KCNMA1: variants seen among roughly 807,000 people sequenced by gnomAD.
KCNMA1 encodes the protein Calcium-activated potassium channel subunit alpha-1.
A neutral mutation model predicts 140.0 loss-of-function variants in KCNMA1; 29 were observed. The ratio of observed to expected loss-of-function variants is 0.21; its 90% CI spans 0.15 to 0.28. The LOEUF is 0.28. Among genes scored for constraint, KCNMA1 ranks in the 10% least tolerant of loss-of-function variants. The pLI is 1.00. For synonymous variants in KCNMA1, 612 were observed against 611.9 expected (o/e 1.00, Z 0.00); for missense variants, 880 against 1,602.2 (o/e 0.55, Z 7.70).
intron 17 of KCNMA1, among the ~76,000 whole-genome samples, chr10:77,014,543 A>C (rs902743470): frequency 6.6e-6 from 1 of 152,160 alleles, no homozygotes; most frequent in Non-Finnish European, 1.5e-5. Flanking sequence ...CCACCTGTCT[A>C]ACTGAAATTT....
intron 1 of KCNMA1, among the ~76,000 whole-genome samples, chr10:77,595,657 G>A (rs1287249385): frequency 1.3e-5 from 2 of 151,786 alleles, no homozygotes; most frequent in African/African-American, 2.4e-5. Flanking sequence ...AGCCAGACAG[G>A]CTAGTTTTTG....
At chr10:77,000,857 AATATATATATATATATATATATAT>A (rs56359933) in intron 19 of KCNMA1, among the ~76,000 whole-genome samples, 897 of 36,666 alleles carry the variant, frequency 0.024, 114 homozygotes, top group African/African-American at 0.078. Flanking sequence ...GTAAAAAGAA[AATATATATATATATATATATATAT>A]ATATATATAT....
At position 77,025,339 on chromosome 10, in the gene KCNMA1, T is replaced by G. The variant is rs1333341047; in HGVS notation, c.1928+2484A>C. On this transcript the variant is annotated intron_variant, in intron 16 of 27. Transcript: ENST00000286628. ...ACAAGGGAATGAGATTATATATACA[T>G]ATATATAATCTCTCTCTTCTTGAAT... 5.5e-6 allele frequency: 4 copies of G among 733,024 alleles called. No homozygotes were observed. The African/African-American group carries it at 7.3e-5, about 13-fold the overall frequency. 45.4% of individuals were successfully genotyped at this position (733,024 alleles called of 1,614,324 possible).
chr10:77,412,046 G>C (rs1351589696), intron 1 of KCNMA1, among the ~76,000 whole-genome samples: 1 of 152,196 alleles, frequency 6.6e-6, no homozygotes, highest in Admixed American at 6.5e-5. Flanking sequence ...TGGGAGGTAG[G>C]GTTCTGACAG....
At chr10:77,439,123 AAGAGAAGAGAAGAGAAGAGAAG>A (rs1426221213) in intron 1 of KCNMA1, among the ~76,000 whole-genome samples, 6 of 145,710 alleles carry the variant, frequency 4.1e-5, no homozygotes, top group South Asian at 2.3e-4. Context: ...AAGAGAAGAG[AAGAGAAGAGAAGAGAAGAGAAG>A]AGAAAAGAGA....
chr10:76,897,582 A>AT (rs1378004994), intron 25 of KCNMA1, among the ~76,000 whole-genome samples: 1 of 152,052 alleles, frequency 6.6e-6, no homozygotes, highest in Non-Finnish European at 1.5e-5. Flanking sequence ...TATTGATTTA[A>AT]TTTTTTTAAA....
chr10:76,912,120 C>T (rs1017612916), intron 24 of KCNMA1: 1 of 152,168 alleles, frequency 6.6e-6, no homozygotes, highest in Non-Finnish European at 1.5e-5. Flanking sequence ...TACCCAGTCT[C>T]AGAAGGAGAG....
At chr10:76,959,025 G>A (rs910133472) in intron 20 of KCNMA1, among the ~76,000 whole-genome samples, 2 of 152,094 alleles carry the variant, frequency 1.3e-5, no homozygotes, top group African/African-American at 4.8e-5. Flanking sequence ...GGAATACATA[G>A]ACATATATAT....
intron 1 of KCNMA1, among the ~76,000 whole-genome samples, chr10:77,449,528 T>G (rs2097587606): frequency 1.1e-5 from 1 of 88,858 alleles, no homozygotes; most frequent in Non-Finnish European, 2.1e-5. Flanking sequence ...GTGGGTGGGG[T>G]AGGGTGGGCA....
intron 1 of KCNMA1, among the ~76,000 whole-genome samples, chr10:77,471,316 A>G (rs985916558): frequency 7.9e-5 from 12 of 151,484 alleles, no homozygotes; most frequent in African/African-American, 2.9e-4. Context: ...CACAGTGCAC[A>G]CCACACACAA....
intron 1 of KCNMA1, among the ~76,000 whole-genome samples, chr10:77,606,913 C>T (rs1356091): frequency 0.22 from 32,999 of 152,090 alleles, 3,874 homozygotes; most frequent in African/African-American, 0.26. Context: ...CCCTTGCACC[C>T]TCTGCAGCCA....
chr10:77,531,138 G>A (rs926542006), intron 1 of KCNMA1, among the ~76,000 whole-genome samples: 2 of 152,116 alleles, frequency 1.3e-5, no homozygotes, highest in African/African-American at 4.8e-5. Flanking sequence ...AAAGCACCAC[G>A]CGGGGCTTCA....
chr10:76,983,973 A>G (rs1367058487), intron 19 of KCNMA1, among the ~76,000 whole-genome samples: 1 of 152,198 alleles, frequency 6.6e-6, no homozygotes, highest in Non-Finnish European at 1.5e-5. Flanking sequence ...GGACAAAATA[A>G]TTTTTAAAAA....
chr10:77,064,105 T>G, intron 14 of KCNMA1: 1 of 985,366 alleles, frequency 1.0e-6, no homozygotes, highest in Non-Finnish European at 1.2e-6. Context: ...GTTCAGTCCA[T>G]GCCAAGACCC....
chr10:76,987,196 G>C (rs1565382089), intron 19 of KCNMA1, among the ~76,000 whole-genome samples: 1 of 152,082 alleles, frequency 6.6e-6, no homozygotes, highest in Middle Eastern at 3.4e-3. Flanking sequence ...AATTCACACT[G>C]TGTGTCTTGG....
intron 9 of KCNMA1, among the ~76,000 whole-genome samples, chr10:77,101,002 G>A (rs1457873825): frequency 1.3e-5 from 2 of 151,968 alleles, no homozygotes; most frequent in East Asian, 3.9e-4. Flanking sequence ...GTGTGGAAGG[G>A]AAGAGTGACA....
At chr10:77,028,685 G>T (rs528061746) in intron 15 of KCNMA1, among the ~76,000 whole-genome samples, 29 of 152,146 alleles carry the variant, frequency 1.9e-4, no homozygotes, top group African/African-American at 7.0e-4. Flanking sequence ...ATTTTACACT[G>T]GCTGTGGTCG....
At chr10:77,183,639 AC>A in intron 4 of KCNMA1, 107 bp from the exon 5 acceptor site, 1 of 762,776 alleles carries the variant, frequency 1.3e-6, no homozygotes, top group Non-Finnish European at 2.3e-6. Flanking sequence ...TCATAGGGCC[AC>A]CACGCCCGGC....
chr10:77,304,345 G>A (rs2077183934), intron 2 of KCNMA1: 1 of 152,180 alleles, frequency 6.6e-6, no homozygotes. Flanking sequence ...TGAGTTCCAG[G>A]GATGATCCCA....
Sources: allele counts gnomAD v4.1 joint callset (sites outside exome capture counted in the v4.1 genomes callset), GRCh38; gene constraint gnomAD v4.1.1; transcripts MANE v1.5; gene names NCBI Gene and HGNC (gene_info 2026-07-23, HGNC 2026-07-21).